Variants in PPL observed in about 807,000 individuals in gnomAD.
PPL encodes 190 kDa paraneoplastic pemphigus antigen.
A neutral mutation model predicts 194.4 loss-of-function variants in PPL; 198 were observed. That is an observed-to-expected ratio of 1.02 (90% CI 0.91 to 1.15). The LOEUF is 1.15. PPL is among the 50% of genes most tolerant of loss of function. The pLI is 0.00. For synonymous variants in PPL, 1,220 were observed against 972.4 expected (o/e 1.25, Z -4.74); for missense variants, 2,885 against 2,294.8 (o/e 1.26, Z -5.25).
intron 20 of PPL, 91 bp from the exon 21 acceptor site, chr16:4,887,318 G>A: frequency 2.0e-6 from 2 of 977,120 alleles, no homozygotes; most frequent in Non-Finnish European, 3.3e-6. Context: ...TGGTTCTTGA[G>A]AAGTGTGGAA....
At chr16:4,912,898 G>A (rs2088846695) in intron 1 of PPL, among the ~76,000 whole-genome samples, 1 of 152,212 alleles carries the variant, frequency 6.6e-6, no homozygotes, top group Non-Finnish European at 1.5e-5. Context: ...GAGATCAGGA[G>A]TTTGAGACCA....
chr16:4,916,389 T>TTA (rs1415539174), intron 1 of PPL, among the ~76,000 whole-genome samples: 1 of 152,116 alleles, frequency 6.6e-6, no homozygotes, highest in East Asian at 1.9e-4. Context: ...CTTTTGTACT[T>TTA]TTAGTAGAGA....
At chr16:4,894,688 C>G in intron 11 of PPL, 70 bp from the exon 12 acceptor site, 1 of 1,555,556 alleles carries the variant, frequency 6.4e-7, no homozygotes, top group Non-Finnish European at 8.7e-7. Context: ...GTTGCCATCT[C>G]AGCCCCCGAC....
Position 4,885,216 on chromosome 16 carries a change from T to C in PPL, c.3439A>G (p.Ser1147Gly). The C allele has an allele frequency of 6.2e-7, 1 of 1,614,000 alleles. No individual in the cohort carries two copies. Among genetic ancestry groups the C allele is most frequent in the Non-Finnish European group, 8.5e-7 (1 of 1,180,026 alleles). ...AGCAGCTCCGTCTTCTCCCTCTGGC[T>C]AGCGCGAGCCTTGGCAGCCTCGTCC... is the stretch of plus-strand genomic sequence containing the variant. The part of the protein sequence containing the change: ...YEDEAAKARA[S>G]QREKTELLRK... Residue 1147 changes from serine to glycine, a missense_variant, in exon 22 of 22, where the codon AGC becomes GGC. Ser to Gly is a moderately conservative substitution (Grantham distance 56). Coordinates refer to ENST00000345988, the MANE Select transcript of PPL (RefSeq NM_002705.5). The surrounding 1 kb of genome is among the most constrained non-coding windows in gnomAD (Gnocchi z 6.3).
intron 2 of PPL, among the ~76,000 whole-genome samples, chr16:4,906,220 A>AT (rs988584223): frequency 5.3e-5 from 8 of 151,812 alleles, no homozygotes; most frequent in South Asian, 2.1e-4. Flanking sequence ...GAATTTTTAA[A>AT]TTTTTTTTGT....
Position 4,893,312 on chromosome 16 carries a change from G to A in PPL, c.1551C>T (p.Asp517=), listed in dbSNP as rs979569973. Residue 517 remains aspartate (D), a synonymous_variant, in exon 14 of 22, where the codon GAC becomes GAT. Transcript: ENST00000345988. ...LLAGLDKVAS[D]LDRQEKAITG... ...TGATGGCCTTCTCCTGCCGGTCCAG[G>A]TCGCTGGCCACCTTGTCCAAGCCAG... The A allele has an allele frequency of 1.2e-6, 2 of 1,607,948 alleles. No homozygotes were observed. The highest frequency in any genetic ancestry group is 1.3e-5 in the African/African-American group (1 of 75,022).
intron 19 of PPL, chr16:4,888,721 T>C: frequency 2.2e-6 from 1 of 463,870 alleles, no homozygotes; most frequent in Non-Finnish European, 3.8e-6. Context: ...CATTTTTTTT[T>C]TTGTACTTTT....
chr16:4,902,364 C>T lies in PPL; in HGVS notation c.438+42G>A. ...TCCCTGCACACGCACAGCCCCCTCC[C>T]CAGCTGAAACCCTGGAGCCAGCGGC... On this transcript the variant is annotated intron_variant, in intron 4 of 21. Coordinates refer to ENST00000345988, the MANE Select transcript of PPL (RefSeq NM_002705.5). The surrounding 1 kb of genome is among the most constrained non-coding windows in gnomAD (Gnocchi z 4.0). 6.2e-7 allele frequency: 1 copy of T among 1,610,432 alleles called. No individual in the cohort carries two copies. Among genetic ancestry groups the T allele is most frequent in the Non-Finnish European group, 8.5e-7 (1 of 1,178,064 alleles).
Position 4,902,045 on chromosome 16 carries a change from G to A in PPL, c.438+361C>T, listed in dbSNP as rs1176177818. On this transcript the variant is annotated intron_variant, in intron 4 of 21. Transcript: ENST00000345988. This position sits in a 1 kb window ranked among gnomAD's most constrained non-coding sequence, Gnocchi z 4.0. ...CAGTGGCTGTGTGCTTCTCTGTGGT[G>A]AGCACCCAGGAAAGGGAGCGACAGG... 2.6e-5 allele frequency among the ~76,000 whole-genome samples: 4 copies of A among 152,208 alleles called. No individual in the cohort carries two copies. The highest frequency in any genetic ancestry group is 9.6e-5 in the African/African-American group (4 of 41,458).
At position 4,886,520 on chromosome 16, in the gene PPL, A is replaced by G. The variant is rs539172143; in HGVS notation, c.2608-473T>C. 4.6e-5 allele frequency among the ~76,000 whole-genome samples: 7 copies of G among 152,370 alleles called. No homozygotes were observed. The East Asian group carries it at 1.2e-3, about 25-fold the overall frequency. Reference sequence around the variant, plus strand: ...CTCTGGACAGACCGCAGTTTAGCCCATTGCTGATGAAGAGTGAACTGCTTC... The same window carrying G: ...CTCTGGACAGACCGCAGTTTAGCCCGTTGCTGATGAAGAGTGAACTGCTTC... On this transcript the variant is annotated intron_variant, in intron 21 of 21. Coordinates refer to ENST00000345988, the MANE Select transcript of PPL (RefSeq NM_002705.5).
Position 4,894,567 on chromosome 16 carries a change from T to G in PPL, c.1294A>C (p.Ser432Arg). The change falls in exon 12 of 22, where the codon AGC becomes CGC. Residue 432 changes from serine to arginine, a missense_variant. Physicochemically the swap from Ser to Arg is moderately radical, Grantham distance 110. Transcript: ENST00000345988. ...CCAGCGCTGTCCATGAGCTCCCAGC[T>G]CTCCCCGTTGTTCTTCTGCAGGGTG... ...SYTLQKNNGE[S>R]WELMDSAGNK... 1.2e-6 allele frequency: 2 copies of G among 1,613,842 alleles called. No homozygotes were observed. Among genetic ancestry groups the G allele is most frequent in the South Asian group, 2.2e-5 (2 of 91,070 alleles).
Position 4,890,886 on chromosome 16 carries a change from G to C in PPL, c.2004C>G (p.Leu668=). 6.5e-7 allele frequency: 1 copy of C among 1,542,062 alleles called. No homozygotes were observed. The highest frequency in any genetic ancestry group is 8.8e-7 in the Non-Finnish European group (1 of 1,139,432). ...MACELQAQKS[L]LGEVEQNLQA... ...GCAAGTTCTGCTCCACCTCACCCAG[G>C]AGGGACTTCTGGGCCTGTAACTCAC... The change falls in exon 17 of 22, where the codon CTC becomes CTG. Residue 668 remains leucine (L), a synonymous_variant. Coordinates refer to ENST00000345988, the MANE Select transcript of PPL (RefSeq NM_002705.5).
chr16:4,931,716 C>T (rs1288609378), intron 1 of PPL, among the ~76,000 whole-genome samples: 1 of 152,214 alleles, frequency 6.6e-6, no homozygotes, highest in African/African-American at 2.4e-5. Context: ...GCTTCTCCCC[C>T]AGGTCCCCTA....
chr16:4,907,827 A>C (rs1051798892), intron 2 of PPL, among the ~76,000 whole-genome samples: 2 of 152,136 alleles, frequency 1.3e-5, no homozygotes, highest in Non-Finnish European at 2.9e-5. Context: ...TAGTCTTCAA[A>C]GCCTAGCTTC....
rs1409004198 is a variant in PPL at position 4,885,418 on chromosome 16, G to C, written c.3237C>G (p.Arg1079=). ...EYQQLQEDHQ[R]QDQLREKQEE... is the part of the protein sequence containing the mutation. ...CCTGCTTCTCCCTGAGCTGGTCCTG[G>C]CGCTGGTGGTCCTCCTGCAGCTGCT... is the stretch of plus-strand genomic sequence containing the variant. The change falls in exon 22 of 22, where the codon CGC becomes CGG. Residue 1079 remains arginine (R), a synonymous_variant. Coordinates refer to ENST00000345988, the MANE Select transcript of PPL (RefSeq NM_002705.5). The surrounding 1 kb of genome is among the most constrained non-coding windows in gnomAD (Gnocchi z 6.3). 12 of 1,612,536 alleles carry C rather than the reference G, an allele frequency of 7.4e-6. No homozygotes were observed. The highest frequency in any genetic ancestry group is 8.5e-6 in the Non-Finnish European group (10 of 1,179,986).
intron 21 of PPL, 97 bp from the exon 22 acceptor site, chr16:4,886,144 A>C (rs1596543582): frequency 6.8e-7 from 1 of 1,470,706 alleles, no homozygotes; most frequent in African/African-American, 1.4e-5. Context: ...TGTGGTCCCC[A>C]AGGGACTCCC....
rs1371741303 is a variant in PPL, at chr16:4,891,912, G to C, written c.1867C>G (p.Gln623Glu). Residue 623 changes from glutamine to glutamate, a missense_variant, in exon 16 of 22, where the codon CAG (glutamine) becomes GAG (glutamate). Coordinates refer to ENST00000345988, the MANE Select transcript of PPL (RefSeq NM_002705.5). Reference sequence around the variant, plus strand: ...TGTGTGGCCAGCAACTCCCAGCTCTGCTGCAGGCTCTTCTCCAGGCGGTTG... The same window carrying C: ...TGTGTGGCCAGCAACTCCCAGCTCTCCTGCAGGCTCTTCTCCAGGCGGTTG... ...VANRLEKSLQ[Q>E]SWELLATHEN... 41 of 1,613,432 alleles carry C rather than the reference G, an allele frequency of 2.5e-5. No individual in the cohort carries two copies. The highest frequency in any genetic ancestry group is 3.5e-5 in the Non-Finnish European group (41 of 1,180,030).
At chr16:4,934,414 G>T (rs1222071234) in intron 1 of PPL, among the ~76,000 whole-genome samples, 2 of 152,088 alleles carry the variant, frequency 1.3e-5, no homozygotes, top group Non-Finnish European at 2.9e-5. Flanking sequence ...GGAAAGGGCT[G>T]CTACCCTCAT....
At chr16:4,933,451 A>G (rs552874320) in intron 1 of PPL, among the ~76,000 whole-genome samples, 1 of 152,244 alleles carries the variant, frequency 6.6e-6, no homozygotes, top group African/African-American at 2.4e-5. Context: ...TTTCAAGCAG[A>G]GGCAGAATTG....
Sources: gnomAD v4.1 joint callset for allele counts (sites outside exome capture counted in the v4.1 genomes callset) on GRCh38, gnomAD v4.1.1 for gene constraint, Gnocchi (gnomAD v3.1) non-coding constraint, MANE v1.5 for transcripts, NCBI Gene and HGNC (gene_info 2026-07-23, HGNC 2026-07-21) for gene names.